The following CAMK4 variants were observed in gnomAD, a reference collection of about 807,000 sequenced individuals.
The protein encoded by CAMK4 is calcium/calmodulin-dependent protein kinase type IV.
A neutral mutation model predicts 44.9 loss-of-function variants in CAMK4; 22 were observed. The ratio of observed to expected loss-of-function variants is 0.49; its 90% confidence interval spans 0.35 to 0.70. The LOEUF is 0.70. CAMK4 is among the 30% of genes least tolerant of loss of function. The pLI, the probability that CAMK4 is intolerant of heterozygous loss-of-function variation, is 0.01. For synonymous variants in CAMK4, 218 were observed against 215.4 expected (o/e 1.01, Z -0.11); for missense variants, 498 against 586.8 (o/e 0.85, Z 1.56).
At chr5:111,459,207 G>A (rs1754546851) in intron 7 of CAMK4, among the ~76,000 whole-genome samples, 1 of 152,144 alleles carries the variant, frequency 6.6e-6, no homozygotes, top group Admixed American at 6.5e-5. Context: ...AGAGAGAAGA[G>A]AAGGAACATT....
chr5:111,292,605 T>A (rs1747320746), intron 1 of CAMK4, among the ~76,000 whole-genome samples: 1 of 152,236 alleles, frequency 6.6e-6, no homozygotes, highest in African/African-American at 2.4e-5. Context: ...AGCCTTTTTT[T>A]AATCATGAAT....
chr5:111,246,982 G>C (rs1749270472), intron 1 of CAMK4, among the ~76,000 whole-genome samples: 1 of 152,214 alleles, frequency 6.6e-6, no homozygotes, highest in South Asian at 2.1e-4. Context: ...CAGAAGATAG[G>C]ATTTTATTGC....
At chr5:111,376,633 A>G (rs921909486) in intron 3 of CAMK4, among the ~76,000 whole-genome samples, 1 of 152,110 alleles carries the variant, frequency 6.6e-6, no homozygotes, top group African/African-American at 2.4e-5. Flanking sequence ...CAAAAGGAAA[A>G]ATGTAAACAT....
chr5:111,369,356 C>T (rs678416), intron 2 of CAMK4, among the ~76,000 whole-genome samples: 58,136 of 151,982 alleles, frequency 0.38, 11,429 homozygotes, highest in Non-Finnish European at 0.43. Flanking sequence ...TGAGCCACTA[C>T]ACCCAGCTGA....
chr5:111,355,526 A>C (rs1377219012), intron 2 of CAMK4, among the ~76,000 whole-genome samples: 2 of 118,018 alleles, frequency 1.7e-5, no homozygotes, highest in African/African-American at 6.1e-5. Flanking sequence ...TTATACTTTA[A>C]GTTTTAGGGT....
intron 1 of CAMK4, among the ~76,000 whole-genome samples, chr5:111,331,471 A>G (rs1749165395): frequency 6.6e-6 from 1 of 151,776 alleles, no homozygotes; most frequent in Non-Finnish European, 1.5e-5. Context: ...GAACTCTCAT[A>G]CCCTGCTTGT....
intron 1 of CAMK4, among the ~76,000 whole-genome samples, chr5:111,294,358 G>T (rs1400857229): frequency 1.3e-5 from 2 of 152,164 alleles, no homozygotes; most frequent in Admixed American, 6.5e-5. Context: ...ATTTTGCGTA[G>T]TACCCTCTAA....
intron 5 of CAMK4, among the ~76,000 whole-genome samples, chr5:111,443,812 G>A (rs1477239196): frequency 2.6e-5 from 4 of 152,110 alleles, no homozygotes; most frequent in African/African-American, 7.2e-5. Flanking sequence ...TCTAAATTGG[G>A]TAAGATTAGG....
At position 111,313,123 on chromosome 5, in the gene CAMK4, G is replaced by A. The variant is rs182518241; in HGVS notation, c.162-30901G>A. 8.4e-4 allele frequency among the ~76,000 whole-genome samples: 128 copies of A among 152,120 alleles called. 1 individual carries two copies. The highest frequency in any genetic ancestry group is 3.4e-3 in the Middle Eastern group (1 of 294). On this transcript the variant is annotated intron_variant, in intron 1 of 10. Coordinates refer to ENST00000282356, the MANE Select transcript of CAMK4 (RefSeq NM_001744.6). ...GGGTTTCTCAAACTCAGCACTGCTCGCATTTTGGAGCAATAATTCTTTGCT... is the reference window on the plus strand; with the variant it reads ...GGGTTTCTCAAACTCAGCACTGCTCACATTTTGGAGCAATAATTCTTTGCT...
At chr5:111,445,724 T>C (rs35747381) in intron 5 of CAMK4, among the ~76,000 whole-genome samples, 48,071 of 152,074 alleles carry the variant, frequency 0.32, 8,156 homozygotes, top group Non-Finnish European at 0.38. Flanking sequence ...CAGTGTAATA[T>C]ACAGATGTCC....
At position 111,410,214 on chromosome 5, in the gene CAMK4, A is replaced by G. The variant is rs149660776; in HGVS notation, c.459+15432A>G. Among the ~76,000 whole-genome samples the G allele has an allele frequency of 3.2e-3, 481 of 151,402 alleles. 2 individuals carry two copies. The highest frequency in any genetic ancestry group is 0.011 in the African/African-American group (466 of 41,396). On this transcript the variant is annotated intron_variant, in intron 5 of 10. Transcript: ENST00000282356. ...TTTATAAAGGAAAGAGGTTTAATTG[A>G]CCCACAGTTCCACATGGTTAGGGAG... is the stretch of plus-strand genomic sequence containing the variant.
At chr5:111,240,303 A>G (rs534195145) in intron 1 of CAMK4, among the ~76,000 whole-genome samples, 1 of 137,436 alleles carries the variant, frequency 7.3e-6, no homozygotes, top group African/African-American at 2.5e-5. Context: ...TCATTTAACA[A>G]TCTAAAAAAA....
At chr5:111,368,424 T>G (rs1435023263) in intron 2 of CAMK4, among the ~76,000 whole-genome samples, 2 of 152,142 alleles carry the variant, frequency 1.3e-5, no homozygotes, top group Non-Finnish European at 2.9e-5. Context: ...AACACCAACT[T>G]CTGTAATGAG....
At chr5:111,318,493 G>A (rs1057209137) in intron 1 of CAMK4, among the ~76,000 whole-genome samples, 3 of 152,132 alleles carry the variant, frequency 2.0e-5, no homozygotes, top group South Asian at 2.1e-4. Flanking sequence ...TTATCTAAGC[G>A]GGAGTGAAAG....
chr5:111,232,585 C>G (rs1358477845), intron 1 of CAMK4, among the ~76,000 whole-genome samples: 1 of 151,806 alleles, frequency 6.6e-6, no homozygotes, highest in Non-Finnish European at 1.5e-5. Context: ...TTAAAAAAAA[C>G]AAAAAGAGTA....
At chr5:111,286,100 T>G (rs1364883298) in intron 1 of CAMK4, among the ~76,000 whole-genome samples, 1 of 151,948 alleles carries the variant, frequency 6.6e-6, no homozygotes, top group Non-Finnish European at 1.5e-5. Flanking sequence ...AAGAGAAAAA[T>G]GGAGGTATGT....
intron 1 of CAMK4, among the ~76,000 whole-genome samples, chr5:111,299,762 G>C (rs964611252): frequency 6.6e-6 from 1 of 152,132 alleles, no homozygotes; most frequent in African/African-American, 2.4e-5. Flanking sequence ...TTCTAAATTT[G>C]ATAAAACAGG....
intron 1 of CAMK4, among the ~76,000 whole-genome samples, chr5:111,240,446 T>G (rs1725171175): frequency 6.6e-6 from 1 of 152,234 alleles, no homozygotes; most frequent in African/African-American, 2.4e-5. Context: ...AAAATGTATT[T>G]CTCTAACGTG....
chr5:111,395,982 G>A (rs1751992323), intron 5 of CAMK4, among the ~76,000 whole-genome samples: 1 of 152,076 alleles, frequency 6.6e-6, no homozygotes, highest in African/African-American at 2.4e-5. Context: ...AATACCTTGA[G>A]AAGTCAGCCA....
Sources: gnomAD v4.1 joint callset for allele counts (sites outside exome capture counted in the v4.1 genomes callset) on GRCh38, gnomAD v4.1.1 for gene constraint, MANE v1.5 for transcripts, NCBI Gene and HGNC (gene_info 2026-07-23, HGNC 2026-07-21) for gene names.